KAZN: variants seen among roughly 807,000 people sequenced by gnomAD.
The protein encoded by KAZN is kazrin.
KAZN carries 40 observed loss-of-function variants against 87.4 expected under a neutral mutation model. The observed-to-expected ratio is 0.46, with a 90% confidence interval of 0.36 to 0.60. The LOEUF (loss-of-function observed/expected upper bound fraction) is 0.60. Ranked by LOEUF, KAZN falls within the 20% of genes least tolerant of loss-of-function variation. The probability of loss-of-function intolerance (pLI) is 0.00; values close to 1 mark genes in which losing one functional copy is unlikely to be tolerated. For missense variants in KAZN, 898 were observed against 1,073.9 expected (o/e 0.84, Z 2.29); for synonymous variants, 466 against 458.3 (o/e 1.02, Z -0.22).
chr1:14,212,760 G>T lies in KAZN; in HGVS notation c.249+32168G>T, dbSNP rs187596620. ...TCCAGAAACAAAGCTGATTATATTTGTCTGTTCCTTCCAGTAGGAAATTTT... is the reference window on the plus strand; with the variant it reads ...TCCAGAAACAAAGCTGATTATATTTTTCTGTTCCTTCCAGTAGGAAATTTT... On this transcript the variant is annotated intron_variant, in intron 2 of 16. Transcript: ENST00000636203. 2.6e-5 allele frequency among the ~76,000 whole-genome samples: 4 copies of T among 152,232 alleles called. No individual in the cohort carries two copies. The East Asian group carries it at 7.7e-4, about 29-fold the overall frequency.
chr1:13,899,500 T>G (rs957840121), intron 1 of KAZN, among the ~76,000 whole-genome samples: 2 of 152,196 alleles, frequency 1.3e-5, no homozygotes, highest in Admixed American at 6.5e-5. Flanking sequence ...AATGACTGTT[T>G]GTTGAATGAA....
intron 1 of KAZN, among the ~76,000 whole-genome samples, chr1:14,747,735 T>C (rs2100470609): frequency 1.3e-5 from 2 of 152,374 alleles, no homozygotes; most frequent in Middle Eastern, 6.8e-3. Context: ...GGAGTGGAAC[T>C]GCTGGGTCAC....
intron 8 of KAZN, among the ~76,000 whole-genome samples, chr1:15,093,195 G>A (rs1355403677): frequency 7.2e-5 from 11 of 152,128 alleles, no homozygotes; most frequent in Admixed American, 6.6e-4. Flanking sequence ...CCTCCACAGC[G>A]AAAGTGAACA....
chr1:15,051,100 G>C (rs1036989185), intron 4 of KAZN, among the ~76,000 whole-genome samples: 4 of 152,254 alleles, frequency 2.6e-5, no homozygotes, highest in Non-Finnish European at 5.9e-5. Flanking sequence ...CCAGCCTTCC[G>C]ATGTCTGCTC....
At position 15,001,812 on chromosome 1, in the gene KAZN, T is replaced by G. The variant is rs1038110917; in HGVS notation, c.419-32937T>G. On this transcript the variant is annotated intron_variant, in intron 2 of 14. Coordinates refer to ENST00000376030, the MANE Select transcript of KAZN (RefSeq NM_201628.3). ...ACTGTCTGTTCCACGGGTGGGTGAC[T>G]TAAGGTGAGAGGTGGATTCTTCTGG... Among the ~76,000 whole-genome samples, 16 of 151,480 alleles carry G rather than the reference T, an allele frequency of 1.1e-4. No individual in the cohort carries two copies. The East Asian group carries it at 3.1e-3, about 29-fold the overall frequency.
intron 2 of KAZN, among the ~76,000 whole-genome samples, chr1:14,385,761 G>T (rs1661822183): frequency 6.7e-6 from 1 of 150,206 alleles, no homozygotes; most frequent in South Asian, 2.2e-4. Flanking sequence ...AATAGGTGTG[G>T]TGTGGTGCTG....
At chr1:13,982,305 G>A (rs1352017498) in intron 1 of KAZN, among the ~76,000 whole-genome samples, 14 of 152,158 alleles carry the variant, frequency 9.2e-5, no homozygotes, top group Admixed American at 7.2e-4. Flanking sequence ...GAACCCTCAC[G>A]GTGAGTGTTA....
At chr1:14,633,937 C>A (rs1572096604) in intron 1 of KAZN, among the ~76,000 whole-genome samples, 4 of 151,912 alleles carry the variant, frequency 2.6e-5, no homozygotes, top group Admixed American at 2.6e-4. Flanking sequence ...ATGAAAAATA[C>A]CACAATTGCT....
At chr1:14,314,627 A>G (rs978745348) in intron 2 of KAZN, among the ~76,000 whole-genome samples, 2 of 152,054 alleles carry the variant, frequency 1.3e-5, no homozygotes, top group African/African-American at 4.8e-5. Flanking sequence ...ACATGACATC[A>G]TTCTTTCATT....
Position 14,702,147 on chromosome 1 carries a change from G to A in KAZN, c.226+102924G>A, listed in dbSNP as rs541692002. 5.9e-5 allele frequency among the ~76,000 whole-genome samples: 9 copies of A among 152,262 alleles called. No individual in the cohort carries two copies. In the East Asian group the frequency reaches 9.7e-4, roughly 16 times the overall value. On this transcript the variant is annotated intron_variant, in intron 1 of 14. Coordinates refer to ENST00000376030, the MANE Select transcript of KAZN (RefSeq NM_201628.3). ...CAAGAGGCAATGAGTGGGGCAGAGG[G>A]GCTATGTTCTTTGTTTACATCTCAT...
intron 2 of KAZN, among the ~76,000 whole-genome samples, chr1:14,342,687 A>G (rs1657822190): frequency 6.6e-6 from 1 of 152,230 alleles, no homozygotes; most frequent in Non-Finnish European, 1.5e-5. Flanking sequence ...GTGAGGAGAA[A>G]GAGGTTGGGG....
chr1:14,082,589 A>G (rs1172888255), intron 1 of KAZN, among the ~76,000 whole-genome samples: 1 of 152,194 alleles, frequency 6.6e-6, no homozygotes, highest in Non-Finnish European at 1.5e-5. Context: ...GGATAACAAA[A>G]TTAGACCGAG....
chr1:14,736,521 G>A (rs1007520171), intron 1 of KAZN, among the ~76,000 whole-genome samples: 4 of 145,334 alleles, frequency 2.8e-5, no homozygotes, highest in Admixed American at 1.4e-4. Flanking sequence ...GTGTTGGTCA[G>A]GCTGATCTCG....
At chr1:14,697,870 C>G (rs536604420) in intron 1 of KAZN, among the ~76,000 whole-genome samples, 1 of 152,316 alleles carries the variant, frequency 6.6e-6, no homozygotes, top group East Asian at 1.9e-4. Context: ...TCTCGAGCTC[C>G]TCACACATCT....
chr1:14,245,046 C>T (rs1005071742), intron 2 of KAZN, among the ~76,000 whole-genome samples: 2 of 151,912 alleles, frequency 1.3e-5, no homozygotes, highest in Non-Finnish European at 2.9e-5. Context: ...CTACTGCCTC[C>T]ACCTCCCAGC....
intron 1 of KAZN, among the ~76,000 whole-genome samples, chr1:14,785,467 G>A (rs2100664353): frequency 6.6e-6 from 1 of 152,226 alleles, no homozygotes; most frequent in East Asian, 1.9e-4. Flanking sequence ...GGATACCTCA[G>A]GGGAGGCCCG....
chr1:15,110,468 TA>T (rs1641535107), intron 13 of KAZN, among the ~76,000 whole-genome samples: 3 of 141,406 alleles, frequency 2.1e-5, no homozygotes, highest in Non-Finnish European at 4.7e-5. Flanking sequence ...TGTGTGTTTG[TA>T]TGTTTGTGTA....
At chr1:14,778,710 A>G (rs1414165300) in intron 1 of KAZN, among the ~76,000 whole-genome samples, 1 of 152,106 alleles carries the variant, frequency 6.6e-6, no homozygotes. Flanking sequence ...AACAACCCCC[A>G]GTATTTTTAT....
chr1:14,955,913 C>G (rs779697237), intron 1 of KAZN, among the ~76,000 whole-genome samples: 9 of 152,226 alleles, frequency 5.9e-5, no homozygotes, highest in Non-Finnish European at 1.2e-4. Context: ...GAGAGTAGCA[C>G]TGCTGGCATT....
Sources: allele counts gnomAD v4.1 joint callset (sites outside exome capture counted in the v4.1 genomes callset), GRCh38; gene constraint gnomAD v4.1.1; transcripts MANE v1.5; gene names NCBI Gene and HGNC (gene_info 2026-07-23, HGNC 2026-07-21).